RIMS1: variants seen among roughly 807,000 people sequenced by gnomAD.
The protein encoded by RIMS1 is regulating synaptic membrane exocytosis protein 1.
A neutral mutation model predicts 214.1 loss-of-function variants in RIMS1; 83 were observed. The ratio of observed to expected loss-of-function variants is 0.39; its 90% CI spans 0.32 to 0.47. The LOEUF (loss-of-function observed/expected upper bound fraction) is 0.47, where lower values mean the gene tolerates loss of function less well. Among genes scored for constraint, RIMS1 ranks in the 20% least tolerant of loss-of-function variants. The pLI, the probability that RIMS1 is intolerant of heterozygous loss-of-function variation, is 0.99. For synonymous variants in RIMS1, 793 were observed against 786.8 expected (o/e 1.01, Z -0.13); for missense variants, 2,050 against 2,161.8 (o/e 0.95, Z 1.03).
At chr6:72,015,309 A>T (rs9446546) in intron 2 of RIMS1, among the ~76,000 whole-genome samples, 20,333 of 152,120 alleles carry the variant, frequency 0.13, 1,421 homozygotes, top group South Asian at 0.18. Context: ...ATTTTTGAGC[A>T]TTTTGAATCT....
intron 6 of RIMS1, among the ~76,000 whole-genome samples, chr6:72,204,695 T>C (rs1310282952): frequency 1.3e-5 from 2 of 152,236 alleles, no homozygotes; most frequent in Non-Finnish European, 2.9e-5. Context: ...TCTACATTTA[T>C]ATATTGTTTT....
At chr6:72,338,763 A>G (rs2096936440) in intron 29 of RIMS1, among the ~76,000 whole-genome samples, 1 of 151,254 alleles carries the variant, frequency 6.6e-6, no homozygotes, top group South Asian at 2.1e-4. Context: ...GGGATTGGGT[A>G]ATTTGCCCAA....
intron 4 of RIMS1, among the ~76,000 whole-genome samples, chr6:72,179,295 A>G (rs1018479884): frequency 6.6e-6 from 1 of 152,126 alleles, no homozygotes; most frequent in African/African-American, 2.4e-5. Flanking sequence ...AAAAAATATG[A>G]CAGATATATG....
At chr6:72,313,202 A>G (rs942936073) in intron 27 of RIMS1, among the ~76,000 whole-genome samples, 2 of 152,210 alleles carry the variant, frequency 1.3e-5, no homozygotes, top group African/African-American at 2.4e-5. Context: ...ACTAGAAAAA[A>G]AATGAATAAT....
In RIMS1 at chr6:72,233,813, C is replaced by T. The variant is rs572732777; in HGVS notation, c.1719C>T (p.His573=). 1.0e-4 allele frequency: 164 copies of T among 1,581,980 alleles called. No individual in the cohort carries two copies. In the South Asian group the frequency reaches 1.8e-3, roughly 17 times the overall value. ...ACTGGTTGGATCCTGCCACGTGGCACAGCCGGGAGACATCACCTATTAGTT... is the reference window on the plus strand; with the variant it reads ...ACTGGTTGGATCCTGCCACGTGGCATAGCCGGGAGACATCACCTATTAGTT... ...DYYWLDPATW[H]SRETSPISSH... Residue 573 remains histidine (H), a synonymous_variant, in exon 7 of 34, where the codon CAC becomes CAT. Transcript: ENST00000521978.
At chr6:71,933,324 G>A (rs1203746060) in intron 1 of RIMS1, among the ~76,000 whole-genome samples, 4 of 151,914 alleles carry the variant, frequency 2.6e-5, no homozygotes, top group African/African-American at 4.8e-5. Flanking sequence ...TCTTTTCCCC[G>A]TGTGTTTTCT....
intron 33 of RIMS1, among the ~76,000 whole-genome samples, chr6:72,399,738 A>G (rs2154459843): frequency 1.3e-5 from 2 of 152,352 alleles, no homozygotes; most frequent in Middle Eastern, 6.8e-3. Flanking sequence ...TTTTAAAGAC[A>G]TGATTCACCA....
intron 4 of RIMS1, among the ~76,000 whole-genome samples, chr6:72,146,242 C>T (rs745395731): frequency 4.6e-5 from 7 of 152,152 alleles, no homozygotes; most frequent in Non-Finnish European, 8.8e-5. Flanking sequence ...AATCTTTACG[C>T]AACAGGAGGG....
intron 23 of RIMS1, among the ~76,000 whole-genome samples, chr6:72,280,557 C>A (rs892310621): frequency 3.3e-5 from 5 of 151,840 alleles, no homozygotes; most frequent in Non-Finnish European, 7.4e-5. Context: ...TTTACGTATT[C>A]TTTTAAGGGG....
intron 2 of RIMS1, among the ~76,000 whole-genome samples, chr6:72,025,308 A>G (rs1222722844): frequency 6.6e-6 from 1 of 152,108 alleles, no homozygotes. Flanking sequence ...CTTCTTTGTG[A>G]TGGTAAGTAG....
At chr6:71,900,300 G>A (rs866353752) in intron 1 of RIMS1, among the ~76,000 whole-genome samples, 2 of 152,044 alleles carry the variant, frequency 1.3e-5, no homozygotes, top group Admixed American at 6.6e-5. Flanking sequence ...GCAAAAGGCA[G>A]GAGTGTGGTT....
chr6:71,991,627 T>C (rs1351593246), intron 2 of RIMS1, among the ~76,000 whole-genome samples: 1 of 152,216 alleles, frequency 6.6e-6, no homozygotes, highest in Non-Finnish European at 1.5e-5. Flanking sequence ...TCAAATGAAA[T>C]GCAGAGTCCT....
intron 1 of RIMS1, among the ~76,000 whole-genome samples, chr6:71,915,335 A>AG (rs1381982391): frequency 2.0e-5 from 3 of 152,168 alleles, no homozygotes; most frequent in African/African-American, 7.2e-5. Flanking sequence ...CTGATCCAGA[A>AG]GAAATCAGTC....
chr6:72,370,980 G>A (rs976692865), intron 29 of RIMS1, among the ~76,000 whole-genome samples: 3 of 152,082 alleles, frequency 2.0e-5, no homozygotes, highest in Non-Finnish European at 2.9e-5. Flanking sequence ...AAAGACAAAC[G>A]GATATGAGAA....
chr6:72,205,069 G>A (rs2052671022), intron 6 of RIMS1, among the ~76,000 whole-genome samples: 1 of 152,082 alleles, frequency 6.6e-6, no homozygotes, highest in Non-Finnish European at 1.5e-5. Flanking sequence ...TTACAGAGAA[G>A]TAATTACTTC....
intron 29 of RIMS1, among the ~76,000 whole-genome samples, chr6:72,358,687 A>G (rs559982018): frequency 2.0e-4 from 31 of 152,314 alleles, no homozygotes; most frequent in Admixed American, 5.2e-4. Context: ...TAAAAAGATG[A>G]GAGAATTAAT....
At chr6:72,289,775 G>A (rs1331379939) in intron 24 of RIMS1, among the ~76,000 whole-genome samples, 1 of 151,966 alleles carries the variant, frequency 6.6e-6, no homozygotes. Flanking sequence ...GAATTTTACA[G>A]TATTGCTTTA....
intron 2 of RIMS1, among the ~76,000 whole-genome samples, chr6:72,051,906 A>G (rs1250037064): frequency 1.3e-5 from 2 of 151,910 alleles, no homozygotes; most frequent in Non-Finnish European, 2.9e-5. Context: ...TCAGTAGTAG[A>G]TTTATTAGAT....
chr6:72,177,547 T>G (rs1228347887), intron 4 of RIMS1, among the ~76,000 whole-genome samples: 2 of 152,074 alleles, frequency 1.3e-5, no homozygotes, highest in Non-Finnish European at 2.9e-5. Context: ...CCACCACACC[T>G]GGCTGAAAAG....
Sources: allele counts gnomAD v4.1 joint callset (sites outside exome capture counted in the v4.1 genomes callset), GRCh38; gene constraint gnomAD v4.1.1; transcripts MANE v1.5; gene names NCBI Gene and HGNC (gene_info 2026-07-23, HGNC 2026-07-21).